The following DGKI variants were observed in gnomAD, a reference collection of about 807,000 sequenced individuals.
DGKI encodes the protein diacylglycerol kinase iota.
DGKI carries 55 observed loss-of-function variants against 147.5 expected under a neutral mutation model. The ratio of observed to expected loss-of-function variants is 0.37; its 90% CI spans 0.30 to 0.47. The LOEUF is 0.47. Among genes scored for constraint, DGKI ranks in the 20% least tolerant of loss-of-function variants. DGKI has a pLI of 1.00. For missense variants in DGKI, 1,007 were observed against 1,323.8 expected, an observed-to-expected ratio of 0.76 and a Z score of 3.71; for synonymous variants, 469 against 477.1, an observed-to-expected ratio of 0.98 and a Z score of 0.22.
chr7:137,698,145 A>AATAT lies in DGKI; in HGVS notation c.402-8147_402-8144dup, dbSNP rs147250252. On this transcript the variant is annotated intron_variant, in intron 1 of 32. Transcript: ENST00000614521. ...AGATATAGATATAGATATAACTCCA[A>AATAT]ATATATATATATATATATCTCCAGA... Among the ~76,000 whole-genome samples the AATAT allele has an allele frequency of 1.4e-3, 207 of 147,720 alleles. 1 individual carries two copies. Among genetic ancestry groups the AATAT allele is most frequent in the African/African-American group, 4.4e-3 (180 of 40,534 alleles).
intron 21 of DGKI, among the ~76,000 whole-genome samples, chr7:137,497,800 G>T (rs1377395188): frequency 6.6e-6 from 1 of 152,022 alleles, no homozygotes; most frequent in African/African-American, 2.4e-5. Flanking sequence ...AGACACCAGG[G>T]CCTCCTTGAT....
At chr7:137,566,800 C>T (rs531061763) in intron 19 of DGKI, among the ~76,000 whole-genome samples, 1 of 152,112 alleles carries the variant, frequency 6.6e-6, no homozygotes, top group Admixed American at 6.6e-5. Flanking sequence ...GAACTCTAAA[C>T]ATATATTTTA....
chr7:137,798,160 G>A (rs975292157), intron 1 of DGKI, among the ~76,000 whole-genome samples: 6 of 152,096 alleles, frequency 3.9e-5, no homozygotes, highest in African/African-American at 1.4e-4. Flanking sequence ...CAGAAAATGT[G>A]AAGAGACCTA....
chr7:137,721,676 C>G (rs1344777255), intron 1 of DGKI, among the ~76,000 whole-genome samples: 1 of 152,162 alleles, frequency 6.6e-6, no homozygotes, highest in African/African-American at 2.4e-5. Context: ...TGCTTAAAAC[C>G]ATTTAATGTT....
chr7:137,630,134 T>C (rs1327324402), intron 6 of DGKI, among the ~76,000 whole-genome samples: 1 of 152,200 alleles, frequency 6.6e-6, no homozygotes, highest in Admixed American at 6.5e-5. Flanking sequence ...AGAATCATCT[T>C]TGAAAAATCT....
intron 8 of DGKI, among the ~76,000 whole-genome samples, chr7:137,610,765 A>C (rs924122710): frequency 2.0e-5 from 3 of 152,236 alleles, no homozygotes; most frequent in Non-Finnish European, 4.4e-5. Context: ...TTTAGTATAA[A>C]GTACATATAC....
At chr7:137,506,674 G>A (rs1352242158) in intron 21 of DGKI, among the ~76,000 whole-genome samples, 1 of 152,138 alleles carries the variant, frequency 6.6e-6, no homozygotes, top group East Asian at 1.9e-4. Flanking sequence ...TGTTAATAAA[G>A]GGGAGAACTG....
intron 1 of DGKI, among the ~76,000 whole-genome samples, chr7:137,753,561 C>T (rs1379529852): frequency 1.3e-5 from 2 of 152,156 alleles, no homozygotes; most frequent in African/African-American, 2.4e-5. Context: ...GGGAGTTGAG[C>T]AAACTTAGAG....
At chr7:137,476,902 T>A (rs1442014739) in intron 23 of DGKI, among the ~76,000 whole-genome samples, 1 of 152,182 alleles carries the variant, frequency 6.6e-6, no homozygotes, top group Non-Finnish European at 1.5e-5. Flanking sequence ...TCTAGAGGAA[T>A]TATGATTTCA....
Position 137,671,469 on chromosome 7 carries a change from C to T in DGKI, c.606+7088G>A, listed in dbSNP as rs927254725. Among the ~76,000 whole-genome samples, 8 of 152,200 alleles carry T rather than the reference C, an allele frequency of 5.3e-5. No homozygotes were observed. In the East Asian group the frequency reaches 1.5e-3, roughly 29 times the overall value. On this transcript the variant is annotated intron_variant, in intron 3 of 32. Transcript: ENST00000614521. Reference sequence around the variant, plus strand: ...TATAAGGCCTTGTTAAGCCAAAGTCCAACCAAATCTGCTAATTAGCTTGTT... The same window carrying T: ...TATAAGGCCTTGTTAAGCCAAAGTCTAACCAAATCTGCTAATTAGCTTGTT...
At chr7:137,474,115 C>T (rs919528516) in intron 23 of DGKI, among the ~76,000 whole-genome samples, 13 of 151,614 alleles carry the variant, frequency 8.6e-5, no homozygotes, top group South Asian at 4.1e-4. Context: ...ATAGGTCCTA[C>T]GTTAAAAGTC....
At chr7:137,768,813 CA>C (rs532392513) in intron 1 of DGKI, among the ~76,000 whole-genome samples, 5 of 152,182 alleles carry the variant, frequency 3.3e-5, no homozygotes, top group African/African-American at 4.8e-5. Context: ...GAACGGCTAT[CA>C]AATTGTGTTC....
At chr7:137,449,659 T>C (rs1276022624) in intron 27 of DGKI, among the ~76,000 whole-genome samples, 2 of 152,184 alleles carry the variant, frequency 1.3e-5, no homozygotes, top group Non-Finnish European at 2.9e-5. Flanking sequence ...CAAAAGCTTC[T>C]ACACAGCAAA....
chr7:137,537,654 A>G (rs834066), intron 20 of DGKI, among the ~76,000 whole-genome samples: 6,650 of 152,184 alleles, frequency 0.044, 366 homozygotes, highest in East Asian at 0.11. Context: ...CAGAATCTGG[A>G]CAGATTTCTG....
intron 1 of DGKI, among the ~76,000 whole-genome samples, chr7:137,774,327 T>C (rs1037281681): frequency 5.9e-5 from 9 of 152,036 alleles, no homozygotes; most frequent in African/African-American, 9.7e-5. Flanking sequence ...AACTTTGAAA[T>C]AGGTCAAAGA....
rs1162023746 is a variant in DGKI, at chr7:137,385,477, G to C, written c.*5743C>G. On this transcript the variant is annotated 3_prime_UTR_variant, in exon 33 of 33. Transcript: ENST00000614521. ...TCACAACACCCCTCAGAGTGGTCAG[G>C]TATCCTCTGTTTAAATGCTAACAGA... is the stretch of plus-strand genomic sequence containing the variant. 1 of 151,938 alleles carries C rather than the reference G, an allele frequency of 6.6e-6. No individual in the cohort carries two copies. The highest frequency in any genetic ancestry group is 1.5e-5 in the Non-Finnish European group (1 of 67,980). The allele number at this position is 151,938 out of a possible 1,614,324, so 9.4% of individuals were successfully genotyped here.
intron 1 of DGKI, among the ~76,000 whole-genome samples, chr7:137,748,030 T>C (rs1795394033): frequency 6.6e-6 from 1 of 152,170 alleles, no homozygotes; most frequent in African/African-American, 2.4e-5. Flanking sequence ...TCACATAATC[T>C]AATACTATGA....
At chr7:137,391,412 AAAAAC>A (rs1332943612) in intron 32 of DGKI, 76 bp from the exon 33 acceptor site, 21 of 1,080,410 alleles carry the variant, frequency 1.9e-5, no homozygotes, top group Non-Finnish European at 2.5e-5. Flanking sequence ...TACAAAAACA[AAAAAC>A]AAAACAAAAC....
At chr7:137,791,859 A>T (rs1376394499) in intron 1 of DGKI, among the ~76,000 whole-genome samples, 2 of 152,232 alleles carry the variant, frequency 1.3e-5, no homozygotes, top group African/African-American at 4.8e-5. Context: ...CTGTCAAATT[A>T]TCATGAAATG....
Sources: allele counts gnomAD v4.1 joint callset (sites outside exome capture counted in the v4.1 genomes callset), GRCh38; gene constraint gnomAD v4.1.1; transcripts MANE v1.5; gene names NCBI Gene and HGNC (gene_info 2026-07-23, HGNC 2026-07-21).